Variants in DCC observed in about 807,000 individuals in gnomAD.
DCC encodes DCC netrin 1 receptor.
In DCC, 58 loss-of-function variants were observed where a neutral mutation model predicts 172.5. That is an observed-to-expected ratio of 0.34 (90% CI 0.27 to 0.42). The LOEUF is 0.42. Ranked by LOEUF, DCC falls within the 10% of genes least tolerant of loss-of-function variation. DCC has a pLI of 1.00. For synonymous variants in DCC, 709 were observed against 644.5 expected, an observed-to-expected ratio of 1.10 and a Z score of -1.52; for missense variants, 1,740 against 1,791.0, an observed-to-expected ratio of 0.97 and a Z score of 0.51.
rs1231790349 is a variant in DCC at position 53,206,159 on chromosome 18, A to G, written c.1722+795A>G. On this transcript the variant is annotated intron_variant, in intron 10 of 28. Transcript: ENST00000442544. ...ACATATATTATATATTATATAATAC[A>G]TATATACATATACATATATAATACA... 2.1e-5 allele frequency among the ~76,000 whole-genome samples: 3 copies of G among 141,950 alleles called. 1 individual carries two copies. Among genetic ancestry groups the G allele is most frequent in the African/African-American group, 5.1e-5 (2 of 39,434 alleles). 93.1% of individuals were successfully genotyped at this position (141,950 alleles called of 152,430 possible).
chr18:52,946,691 T>A (rs1234441499), intron 5 of DCC, among the ~76,000 whole-genome samples: 2 of 152,176 alleles, frequency 1.3e-5, no homozygotes, highest in African/African-American at 4.8e-5. Flanking sequence ...TTACATTCCA[T>A]CTGCAAACAT....
chr18:52,871,992 G>A (rs1366010106), intron 2 of DCC, among the ~76,000 whole-genome samples: 1 of 151,984 alleles, frequency 6.6e-6, no homozygotes, highest in African/African-American at 2.4e-5. Context: ...GCACAGCTTT[G>A]GTATCATGCT....
Position 53,018,167 on chromosome 18 carries a change from A to G in DCC, c.986-45138A>G, listed in dbSNP as rs139141761. On this transcript the variant is annotated intron_variant, in intron 5 of 28. Coordinates refer to ENST00000442544, the MANE Select transcript of DCC (RefSeq NM_005215.4). ...CATGTACCCCATAACTTAAAAGTTT[A>G]ATAATAATAAGAAGTTACAAAAGAT... Among the ~76,000 whole-genome samples, 565 of 152,294 alleles carry G rather than the reference A, an allele frequency of 3.7e-3. 2 individuals carry two copies. Among genetic ancestry groups the G allele is most frequent in the Non-Finnish European group, 5.0e-3 (338 of 68,018 alleles).
chr18:53,316,535 A>C (rs2057345979), intron 13 of DCC, among the ~76,000 whole-genome samples: 1 of 152,124 alleles, frequency 6.6e-6, no homozygotes, highest in Non-Finnish European at 1.5e-5. Context: ...TTGAATCTAT[A>C]AATTACTTTT....
chr18:52,963,341 G>C (rs892929618), intron 5 of DCC, among the ~76,000 whole-genome samples: 1 of 151,604 alleles, frequency 6.6e-6, no homozygotes, highest in African/African-American at 2.4e-5. Flanking sequence ...ATGTTTTCTA[G>C]GAGAATGATA....
chr18:52,831,087 G>C (rs1434720851), intron 2 of DCC, among the ~76,000 whole-genome samples: 3 of 152,120 alleles, frequency 2.0e-5, no homozygotes, highest in Admixed American at 6.6e-5. Flanking sequence ...AGGTCAGAAA[G>C]TTATCCACGG....
intron 1 of DCC, among the ~76,000 whole-genome samples, chr18:52,732,618 C>T (rs1282468275): frequency 6.6e-6 from 1 of 152,044 alleles, no homozygotes; most frequent in Admixed American, 6.6e-5. Flanking sequence ...AGTTAAATGG[C>T]CCTTTGCAGA....
At chr18:52,925,757 G>C (rs1165351631) in intron 5 of DCC, among the ~76,000 whole-genome samples, 2 of 151,704 alleles carry the variant, frequency 1.3e-5, no homozygotes, top group Non-Finnish European at 2.9e-5. Context: ...GAGATGACAG[G>C]GTTTCTGACA....
intron 1 of DCC, among the ~76,000 whole-genome samples, chr18:52,404,162 G>C (rs1025830358): frequency 3.3e-5 from 5 of 151,956 alleles, no homozygotes; most frequent in African/African-American, 1.2e-4. Flanking sequence ...TATGGTGTCA[G>C]CTCATTATTA....
At chr18:53,209,031 T>C (rs943980283) in intron 11 of DCC, among the ~76,000 whole-genome samples, 1 of 152,150 alleles carries the variant, frequency 6.6e-6, no homozygotes, top group Non-Finnish European at 1.5e-5. Flanking sequence ...GCACCCAGCC[T>C]CAAGGGATTT....
intron 2 of DCC, among the ~76,000 whole-genome samples, chr18:52,897,310 T>C (rs1249742148): frequency 1.3e-5 from 2 of 152,222 alleles, no homozygotes; most frequent in African/African-American, 4.8e-5. Flanking sequence ...CAAGAGGTCA[T>C]TGTGTGCTGC....
chr18:52,622,764 G>A lies in DCC; in HGVS notation c.92-129290G>A, dbSNP rs141507341. On this transcript the variant is annotated intron_variant, in intron 1 of 28. Transcript: ENST00000442544. ...ATGGCTGGCACCAGCCTGGTGGTTC[G>A]TTCAGAACCTTCCCTTTCTTTCCCT... Among the ~76,000 whole-genome samples the A allele has an allele frequency of 3.7e-3, 559 of 152,182 alleles. 4 individuals are homozygous for A. The highest frequency in any genetic ancestry group is 6.4e-3 in the Non-Finnish European group (432 of 68,000).
chr18:53,118,738 C>A (rs1281504870), intron 7 of DCC, among the ~76,000 whole-genome samples: 1 of 151,660 alleles, frequency 6.6e-6, no homozygotes, highest in Non-Finnish European at 1.5e-5. Context: ...AAATATAGGT[C>A]ATTATCCCTG....
At chr18:53,489,635 A>ACCTT (rs1249372078) in intron 26 of DCC, among the ~76,000 whole-genome samples, 1 of 152,146 alleles carries the variant, frequency 6.6e-6, no homozygotes, top group Non-Finnish European at 1.5e-5. Context: ...TATCTGAAAG[A>ACCTT]CCTTTGAGTT....
chr18:52,787,721 G>A (rs543081000), intron 2 of DCC, among the ~76,000 whole-genome samples: 5 of 152,034 alleles, frequency 3.3e-5, no homozygotes, highest in Non-Finnish European at 5.9e-5. Context: ...TGATTTTTGG[G>A]ATGCCTGTTA....
chr18:52,446,196 C>T (rs1249146646), intron 1 of DCC, among the ~76,000 whole-genome samples: 1 of 152,198 alleles, frequency 6.6e-6, no homozygotes, highest in Admixed American at 6.5e-5. Flanking sequence ...GCTGGGATTA[C>T]AAGCGTAAGC....
intron 16 of DCC, among the ~76,000 whole-genome samples, chr18:53,387,168 C>G (rs1435644712): frequency 6.6e-6 from 1 of 152,120 alleles, no homozygotes; most frequent in Non-Finnish European, 1.5e-5. Context: ...AGTGGAATCC[C>G]GTGGCTTCTA....
rs751968833 is a variant in DCC at position 52,772,930 on chromosome 18, C to T, written c.412+20556C>T. Among the ~76,000 whole-genome samples, 6 of 152,060 alleles carry T rather than the reference C, an allele frequency of 3.9e-5. No individual in the cohort carries two copies. In the East Asian group the frequency reaches 7.7e-4, roughly 20 times the overall value. ...GAAATGGTTGCAAATATTTTCATTGCCAAGAAAATAAACTGCAAATTGTTT... is the reference window on the plus strand; with the variant it reads ...GAAATGGTTGCAAATATTTTCATTGTCAAGAAAATAAACTGCAAATTGTTT... On this transcript the variant is annotated intron_variant, in intron 2 of 28. Coordinates refer to ENST00000442544, the MANE Select transcript of DCC (RefSeq NM_005215.4).
At chr18:52,815,648 T>C (rs1342876193) in intron 2 of DCC, among the ~76,000 whole-genome samples, 1 of 152,228 alleles carries the variant, frequency 6.6e-6, no homozygotes. Flanking sequence ...CAGCCAGAGC[T>C]GATTAACACA....
Sources: gnomAD v4.1 joint callset for allele counts (sites outside exome capture counted in the v4.1 genomes callset) on GRCh38, gnomAD v4.1.1 for gene constraint, MANE v1.5 for transcripts, NCBI Gene and HGNC (gene_info 2026-07-23, HGNC 2026-07-21) for gene names.